Variants in PRKRA observed in about 807,000 individuals in gnomAD.
PRKRA encodes protein activator of interferon induced protein kinase EIF2AK2.
In PRKRA, 22 loss-of-function variants were observed where a neutral mutation model predicts 32.4. The ratio of observed to expected loss-of-function variants is 0.68; its 90% CI spans 0.49 to 0.97. The LOEUF (loss-of-function observed/expected upper bound fraction) is 0.97, where lower values mean the gene tolerates loss of function less well. Ranked by LOEUF, PRKRA falls within the 50% of genes least tolerant of loss-of-function variation. The pLI is 0.00. For synonymous variants in PRKRA, 139 were observed against 129.8 expected, an observed-to-expected ratio of 1.07 and a Z score of -0.48; for missense variants, 319 against 375.6, an observed-to-expected ratio of 0.85 and a Z score of 1.25.
chr2:178,441,395 T>G (rs556082533), intron 6 of PRKRA, among the ~76,000 whole-genome samples: 3 of 152,298 alleles, frequency 2.0e-5, no homozygotes, highest in East Asian at 3.9e-4. Flanking sequence ...TATTCTGAAT[T>G]TGACTGTGTC....
At chr2:178,443,410 T>C (rs751662089) in intron 4 of PRKRA, 26 bp from the exon 5 acceptor site, 9 of 1,464,706 alleles carry the variant, frequency 6.1e-6, no homozygotes, top group South Asian at 2.3e-5. Context: ...GAGGCTTTAA[T>C]AGTAATTTTA....
At position 178,451,150 on chromosome 2, in the gene PRKRA, T is replaced by G. The variant is rs1697625456; in HGVS notation, c.-120A>C. On this transcript the variant is annotated 5_prime_UTR_variant, in exon 1 of 8. Transcript: ENST00000325748. The stretch of plus-strand genomic sequence containing the variant: ...CGCCACCTCCTCCGACTCCCCCGCC[T>G]CCTGCTTGCGTTGCTCCAGCGAGGG... 1.6e-6 allele frequency: 2 copies of G among 1,224,632 alleles called. No individual in the cohort carries two copies. Among genetic ancestry groups the G allele is most frequent in the African/African-American group, 3.2e-5 (2 of 62,600 alleles). The allele number at this position is 1,224,632 out of a possible 1,614,324, so 75.9% of individuals were successfully genotyped here.
chr2:178,446,187 G>A (rs1288970801), intron 3 of PRKRA, among the ~76,000 whole-genome samples: 2 of 151,768 alleles, frequency 1.3e-5, no homozygotes, highest in Non-Finnish European at 1.5e-5. Context: ...GCTAATTTTT[G>A]TATTTTTAGT....
chr2:178,446,047 C>A (rs1697303200), intron 3 of PRKRA, among the ~76,000 whole-genome samples: 1 of 149,090 alleles, frequency 6.7e-6, no homozygotes, highest in African/African-American at 2.5e-5. Context: ...TTCTTTGAGG[C>A]AGGGTTTCAC....
rs62176112 is a variant in PRKRA, at chr2:178,450,999, G to C, written c.32C>G (p.Pro11Arg). 2.6e-6 allele frequency: 4 copies of C among 1,542,962 alleles called. No homozygotes were observed. Among genetic ancestry groups the C allele is most frequent in the South Asian group, 1.2e-5 (1 of 85,734 alleles). The change falls in exon 1 of 8, where the codon CCG (proline) becomes CGG (arginine). Residue 11 changes from proline (P) to arginine (R), a missense_variant. Pro to Arg is a moderately radical substitution (Grantham distance 103). Transcript: ENST00000325748. ...CCCACTGTCCTCGCGCTCCAGCGGCGGGGCCTCGGCGCGGTGCCTGCTCTG... is the reference window on the plus strand; with the variant it reads ...CCCACTGTCCTCGCGCTCCAGCGGCCGGGCCTCGGCGCGGTGCCTGCTCTG... MSQSRHRAEA[P>R]PLEREDSGTF...
Position 178,443,317 on chromosome 2 carries a change from T to C in PRKRA, c.464A>G (p.His155Arg). The stretch of plus-strand genomic sequence containing the variant: ...GCAAATTGTAGTATATTCTCTCTTA[T>C]GAGCAGGTCCTCCCTCCTGGGAAAG... ...YTLSQEGGPA[H>R]KREYTTICRL... The change falls in exon 5 of 8, where the codon CAT becomes CGT. Residue 155 changes from histidine to arginine, a missense_variant. By Grantham distance (29) the His-to-Arg change is conservative. Coordinates refer to ENST00000325748, the MANE Select transcript of PRKRA (RefSeq NM_003690.5). 2 of 1,613,318 alleles carry C rather than the reference T, an allele frequency of 1.2e-6. No homozygotes were observed. The highest frequency in any genetic ancestry group is 1.7e-6 in the Non-Finnish European group (2 of 1,179,274).
chr2:178,437,461 T>C (rs1169254150), intron 6 of PRKRA, among the ~76,000 whole-genome samples: 1 of 152,236 alleles, frequency 6.6e-6, no homozygotes, highest in African/African-American at 2.4e-5. Context: ...TCAGTGCACA[T>C]ATATGCACTG....
chr2:178,444,270 T>C (rs1490403255), intron 4 of PRKRA, 152 bp downstream of exon 4: 9 of 682,832 alleles, frequency 1.3e-5, no homozygotes, highest in Non-Finnish European at 2.2e-5. Context: ...GGAAAATAAT[T>C]TCAAGTTAGC....
intron 6 of PRKRA, among the ~76,000 whole-genome samples, chr2:178,436,675 T>C (rs1696911184): frequency 6.6e-6 from 1 of 152,132 alleles, no homozygotes; most frequent in African/African-American, 2.4e-5. Context: ...ATGGAGCAAT[T>C]TGCAGATTAA....
chr2:178,434,700 C>A (rs899343649), intron 7 of PRKRA, among the ~76,000 whole-genome samples: 1 of 152,146 alleles, frequency 6.6e-6, no homozygotes, highest in African/African-American at 2.4e-5. Context: ...CAAAGTAGCA[C>A]AGAATATCAG....
intron 2 of PRKRA, among the ~76,000 whole-genome samples, chr2:178,449,580 A>G (rs970243017): frequency 2.6e-5 from 4 of 152,254 alleles, no homozygotes; most frequent in African/African-American, 9.6e-5. Flanking sequence ...TCACAGACCA[A>G]AAGAAAGCAT....
Position 178,439,936 on chromosome 2 carries a change from G to T in PRKRA, c.609+1674C>A, listed in dbSNP as rs548162093. 7 of 151,914 alleles carry T rather than the reference G, an allele frequency of 4.6e-5. No homozygotes were observed. The South Asian group carries it at 1.5e-3, about 32-fold the overall frequency. The allele number at this position is 151,914 out of a possible 1,614,324, so 9.4% of individuals were successfully genotyped here. A position where few individuals can be genotyped will look rare whatever the true frequency, so the allele number is the denominator to read the frequency against. The stretch of plus-strand genomic sequence containing the variant: ...AATATTGTACTGAACATTTTACAAA[G>T]GTGTTTCACCATAAGGCATATTGAT... On this transcript the variant is annotated intron_variant, in intron 6 of 7. Transcript: ENST00000325748.
chr2:178,436,013 ATATATAC>A, intron 7 of PRKRA, 125 bp downstream of exon 7: 1 of 768,750 alleles, frequency 1.3e-6, no homozygotes, highest in Non-Finnish European at 2.1e-6. Context: ...CCTAGTAATT[ATATATAC>A]TTAGAATCCC....
chr2:178,445,396 T>C (rs1045274832), intron 3 of PRKRA: 2 of 152,478 alleles, frequency 1.3e-5, no homozygotes, highest in Non-Finnish European at 2.9e-5. Context: ...AAGCTTTACA[T>C]AGGCTGATGA....
At chr2:178,450,453 G>A (rs748210228) in intron 1 of PRKRA, 42 bp from the exon 2 acceptor site, 27 of 1,614,026 alleles carry the variant, frequency 1.7e-5, no homozygotes, top group Middle Eastern at 1.6e-4. Context: ...TGCCAAATTG[G>A]AGATTGAAGC....
In PRKRA at chr2:178,443,360, T is replaced by A. The variant is rs74748758; in HGVS notation, c.421A>T (p.Arg141Ter). Reference sequence around the variant, plus strand: ...TGGGAAAGGGTATATTCAGGAAGTCTCCAGCCATGATGAATAGCCAATTCC... The same window carrying A: ...TGGGAAAGGGTATATTCAGGAAGTCACCAGCCATGATGAATAGCCAATTCC... The part of the protein sequence containing the change: ...LQELAIHHGW[R>*]LPEYTLSQEG... Residue 141 changes from arginine (R) to a stop codon, truncating the protein, a stop_gained, in exon 5 of 8, where the codon AGA becomes TGA. Coordinates refer to ENST00000325748, the MANE Select transcript of PRKRA (RefSeq NM_003690.5). LOFTEE classifies it high-confidence loss of function. 6.2e-7 allele frequency: 1 copy of A among 1,612,192 alleles called. No individual in the cohort carries two copies. The highest frequency in any genetic ancestry group is 8.5e-7 in the Non-Finnish European group (1 of 1,178,316).
At chr2:178,444,234 A>G (rs1345036765) in intron 4 of PRKRA, among the ~76,000 whole-genome samples, 188 bp downstream of exon 4, 2 of 152,230 alleles carry the variant, frequency 1.3e-5, no homozygotes, top group Non-Finnish European at 2.9e-5. Flanking sequence ...AATACTGTAT[A>G]TGAAAGAAAA....
chr2:178,439,303 G>C (rs1697027597), intron 6 of PRKRA: 1 of 152,164 alleles, frequency 6.6e-6, no homozygotes, highest in Non-Finnish European at 1.5e-5. Context: ...AAATCAAATA[G>C]TACAGAAGTA....
chr2:178,436,078 T>C (rs1050874072), intron 7 of PRKRA, 67 bp downstream of exon 7: 1 of 1,126,494 alleles, frequency 8.9e-7, no homozygotes, highest in Non-Finnish European at 1.2e-6. Flanking sequence ...CTCAAACACA[T>C]TTTTGTTCCT....
Sources: allele counts gnomAD v4.1 joint callset (sites outside exome capture counted in the v4.1 genomes callset), GRCh38; gene constraint gnomAD v4.1.1; transcripts MANE v1.5; gene names NCBI Gene and HGNC (gene_info 2026-07-23, HGNC 2026-07-21).